The following RUNX1T1 variants were observed in gnomAD, a reference collection of about 807,000 sequenced individuals.
RUNX1T1 encodes RUNX1 partner transcriptional co-repressor 1, also known as protein CBFA2T1.
A neutral mutation model predicts 62.8 loss-of-function variants in RUNX1T1; 4 were observed. The ratio of observed to expected loss-of-function variants is 0.06; its 90% CI spans 0.03 to 0.15. The LOEUF (loss-of-function observed/expected upper bound fraction) is 0.15, where lower values mean the gene tolerates loss of function less well. Ranked by LOEUF, RUNX1T1 falls within the 10% of genes least tolerant of loss-of-function variation. The pLI is 1.00. For missense variants in RUNX1T1, 508 were observed against 754.3 expected (o/e 0.67, Z 3.82); for synonymous variants, 291 against 286.0 (o/e 1.02, Z -0.18).
chr8:91,972,919 A>C (rs146406836), intron 9 of RUNX1T1, among the ~76,000 whole-genome samples: 1,966 of 152,192 alleles, frequency 0.013, 20 homozygotes, highest in Middle Eastern at 0.051. Context: ...CAGTTTCATA[A>C]AGACCTTTGT....
intron 1 of RUNX1T1, among the ~76,000 whole-genome samples, chr8:92,083,008 C>T (rs79235063): frequency 0.024 from 3,622 of 152,220 alleles, 136 homozygotes; most frequent in African/African-American, 0.082. Flanking sequence ...CAGCCTTGTT[C>T]GGACCCTTGA....
upstream of RUNX1T1, chr8:92,103,047 G>C: frequency 1.7e-6 from 1 of 603,576 alleles, no homozygotes; most frequent in East Asian, 3.5e-5. Context: ...GCCGCGGAGC[G>C]ACTACGGCCG....
At chr8:92,101,312 T>A (rs188762845), upstream of RUNX1T1, among the ~76,000 whole-genome samples, 1 of 152,188 alleles carries the variant, frequency 6.6e-6, no homozygotes, top group East Asian at 1.9e-4. Flanking sequence ...GCAGATTAAT[T>A]AAGAAAAGCG....
intron 4 of RUNX1T1, chr8:92,005,570 G>A (rs2131027955): frequency 2.4e-6 from 1 of 409,892 alleles, no homozygotes; most frequent in East Asian, 5.0e-5. Flanking sequence ...ATTATTTTTA[G>A]GGTCCCTTTA....
intron 1 of RUNX1T1, among the ~76,000 whole-genome samples, chr8:92,048,992 G>A (rs1210047080): frequency 1.3e-5 from 2 of 152,176 alleles, no homozygotes; most frequent in Non-Finnish European, 2.9e-5. Flanking sequence ...GTATCATGCA[G>A]GTCTCTTCTG....
chr8:91,994,356 T>A (rs529710710), intron 5 of RUNX1T1: 1 of 191,530 alleles, frequency 5.2e-6, no homozygotes, highest in East Asian at 9.9e-5. Context: ...GTGATTCTAA[T>A]CTGTATTTGC....
intron 10 of RUNX1T1, among the ~76,000 whole-genome samples, chr8:91,962,317 C>G (rs1810659935): frequency 6.6e-6 from 1 of 152,030 alleles, no homozygotes. Context: ...AAAACAAAAA[C>G]AAAACAAAAA....
downstream of RUNX1T1, chr8:91,955,592 G>A (rs1809238544): frequency 8.9e-6 from 2 of 225,836 alleles, no homozygotes; most frequent in South Asian, 1.8e-4. Flanking sequence ...AACCCAGCTG[G>A]CACAAGAAGG....
chr8:92,062,625 G>A (rs1380959375), exon 1 of RUNX1T1: 9 of 1,614,048 alleles, frequency 5.6e-6, no homozygotes, highest in South Asian at 1.1e-5. Context: ...CATGCCTCCT[G>A]TTCTGGAATG....
intron 6 of RUNX1T1, 106 bp downstream of exon 7, chr8:91,991,533 C>T: frequency 8.2e-7 from 1 of 1,220,958 alleles, no homozygotes; most frequent in Non-Finnish European, 1.2e-6. Flanking sequence ...ATATGAGAAT[C>T]TTCATCCCTA....
chr8:92,003,987 GA>G (rs1820248922), intron 5 of RUNX1T1, among the ~76,000 whole-genome samples: 1 of 152,196 alleles, frequency 6.6e-6, no homozygotes. Context: ...AAATTACAGA[GA>G]TTGTAGCATA....
In RUNX1T1 at chr8:92,095,712, C is replaced by A. The variant is rs1586030256; in HGVS notation, c.-86+3868G>T. The A allele has an allele frequency of 5.8e-6, 4 of 690,274 alleles. No homozygotes were observed. In the East Asian group the frequency reaches 1.3e-4, roughly 22 times the overall value. 42.8% of individuals were successfully genotyped at this position (690,274 alleles called of 1,614,324 possible). ...TGGAGGAGGGGGCGGGGGCTCAGACCCCAGGATGGGGCCAGAAAGTGGGGG... is the reference window on the plus strand; with the variant it reads ...TGGAGGAGGGGGCGGGGGCTCAGACACCAGGATGGGGCCAGAAAGTGGGGG... On this transcript the variant is annotated intron_variant, in intron 1 of 11. Coordinates refer to the RUNX1T1 transcript ENST00000265814.
intron 1 of RUNX1T1, chr8:92,017,685 G>A: frequency 8.1e-7 from 1 of 1,228,848 alleles, no homozygotes; most frequent in South Asian, 1.8e-5. Flanking sequence ...TTAGCAAGAG[G>A]TAGAAAATAG....
At chr8:92,051,396 C>T (rs1363041276) in intron 1 of RUNX1T1, among the ~76,000 whole-genome samples, 2 of 151,604 alleles carry the variant, frequency 1.3e-5, no homozygotes, top group Non-Finnish European at 2.9e-5. Context: ...AAGTGCCGTA[C>T]GTGAAATAAC....
intron 1 of RUNX1T1, among the ~76,000 whole-genome samples, chr8:92,099,249 A>G (rs1306252575): frequency 6.6e-6 from 1 of 152,236 alleles, no homozygotes; most frequent in African/African-American, 2.4e-5. Context: ...TGTAGAAATT[A>G]AAATCCTTAT....
chr8:91,989,991 C>T (rs2976507), intron 6 of RUNX1T1, among the ~76,000 whole-genome samples: 1 of 152,144 alleles, frequency 6.6e-6, no homozygotes, highest in Non-Finnish European at 1.5e-5. Flanking sequence ...AATTTACTGT[C>T]TTACAACCAA....
At chr8:91,998,869 T>C (rs1819219980) in intron 5 of RUNX1T1, among the ~76,000 whole-genome samples, 1 of 152,186 alleles carries the variant, frequency 6.6e-6, no homozygotes, top group South Asian at 2.1e-4. Flanking sequence ...GTTTTTATTG[T>C]ATTTCAGAGA....
intron 1 of RUNX1T1, among the ~76,000 whole-genome samples, chr8:92,085,022 G>A (rs1365299396): frequency 6.6e-5 from 10 of 152,150 alleles, no homozygotes; most frequent in African/African-American, 2.4e-4. Flanking sequence ...CTTTACTGAA[G>A]GTTGTGCTTC....
chr8:91,970,375 C>T (rs1218734686), intron 10 of RUNX1T1, among the ~76,000 whole-genome samples: 1 of 152,150 alleles, frequency 6.6e-6, no homozygotes, highest in Non-Finnish European at 1.5e-5. Context: ...CAGACACACA[C>T]AGCCAAGCTA....
Sources: gnomAD v4.1 joint callset for allele counts (sites outside exome capture counted in the v4.1 genomes callset) on GRCh38, gnomAD v4.1.1 for gene constraint, MANE v1.5 for transcripts, NCBI Gene and HGNC (gene_info 2026-07-23, HGNC 2026-07-21) for gene names.